HEMK2: variants seen among roughly 807,000 people sequenced by gnomAD.
The protein encoded by HEMK2 is methyltransferase HEMK2.
the HEMK2 span, among the ~76,000 whole-genome samples, chr21:28,641,629 A>G: frequency 2.6e-5 from 4 of 152,240 alleles, no homozygotes; most frequent in Non-Finnish European, 5.9e-5. Flanking sequence ...CTGGACACCC[A>G]GCAAAACATA....
At chr21:28,642,418 C>T in the HEMK2 span, among the ~76,000 whole-genome samples, 6 of 152,168 alleles carry the variant, frequency 3.9e-5, no homozygotes, top group Non-Finnish European at 8.8e-5. Context: ...TGGAAGCATC[C>T]GGTCACTCTT....
At chr21:28,578,722 T>A in the HEMK2 span, among the ~76,000 whole-genome samples, 1 of 152,180 alleles carries the variant, frequency 6.6e-6, no homozygotes, top group South Asian at 2.1e-4. Context: ...AAGGGTTGTT[T>A]GATAGGGGAC....
At chr21:28,694,345 C>T in the HEMK2 span, among the ~76,000 whole-genome samples, 1 of 152,322 alleles carries the variant, frequency 6.6e-6, no homozygotes, top group East Asian at 1.9e-4. Flanking sequence ...CTAACATACA[C>T]ATCATCTTTG....
At chr21:28,699,429 T>C in the HEMK2 span, among the ~76,000 whole-genome samples, 1 of 152,202 alleles carries the variant, frequency 6.6e-6, no homozygotes, top group Non-Finnish European at 1.5e-5. Flanking sequence ...ATTTTGAAGA[T>C]ATTAAGTTGG....
the HEMK2 span, among the ~76,000 whole-genome samples, chr21:28,784,389 T>C: frequency 1.0e-3 from 152 of 150,198 alleles, no homozygotes; most frequent in Non-Finnish European, 1.9e-3. Flanking sequence ...AGCTCAAGGT[T>C]TGTAAGTGCA....
At chr21:28,653,293 C>T in the HEMK2 span, among the ~76,000 whole-genome samples, 1 of 151,864 alleles carries the variant, frequency 6.6e-6, no homozygotes, top group African/African-American at 2.4e-5. Flanking sequence ...TGTCTTCCAC[C>T]ATACTCAGAA....
At chr21:28,830,020 A>T in the HEMK2 span, among the ~76,000 whole-genome samples, 1 of 152,104 alleles carries the variant, frequency 6.6e-6, no homozygotes, top group African/African-American at 2.4e-5. Flanking sequence ...CTACACTAAG[A>T]TCTTAGCCAC....
the HEMK2 span, among the ~76,000 whole-genome samples, chr21:28,598,865 C>T: frequency 1.3e-5 from 2 of 152,120 alleles, no homozygotes; most frequent in African/African-American, 4.8e-5. Context: ...CAGAATCCAG[C>T]CTGAGTAAGC....
the HEMK2 span, among the ~76,000 whole-genome samples, chr21:28,836,901 G>A: frequency 2.2e-3 from 339 of 152,112 alleles, 1 homozygote; most frequent in African/African-American, 7.9e-3. Context: ...TAAAGTAACA[G>A]CAGTTAAAAG....
the HEMK2 span, among the ~76,000 whole-genome samples, chr21:28,722,752 C>T: frequency 5.9e-5 from 9 of 152,046 alleles, no homozygotes; most frequent in Non-Finnish European, 1.0e-4. Context: ...GGCATGGTGG[C>T]GCATGCCTGT....
At chr21:28,667,902 C>A in the HEMK2 span, among the ~76,000 whole-genome samples, 1 of 152,096 alleles carries the variant, frequency 6.6e-6, no homozygotes, top group Non-Finnish European at 1.5e-5. Context: ...GGAAAGTGTT[C>A]AGGATGGCAC....
the HEMK2 span, among the ~76,000 whole-genome samples, chr21:28,863,442 A>T: frequency 1.2e-4 from 10 of 86,128 alleles, no homozygotes; most frequent in East Asian, 2.6e-3. Flanking sequence ...ATATATATAT[A>T]TATATATATA....
At chr21:28,882,354 A>AT in the HEMK2 span, 3 of 800,578 alleles carry the variant, frequency 3.7e-6, no homozygotes, top group Non-Finnish European at 2.0e-6. Flanking sequence ...GAACAGATTT[A>AT]GAAAAAAAAA....
chr21:28,708,525 A>T, the HEMK2 span, among the ~76,000 whole-genome samples: 58 of 152,334 alleles, frequency 3.8e-4, no homozygotes, highest in African/African-American at 1.3e-3. Flanking sequence ...TTAAACAGGT[A>T]CAACAATTAA....
chr21:28,843,413 C>G, the HEMK2 span, among the ~76,000 whole-genome samples: 2 of 152,140 alleles, frequency 1.3e-5, no homozygotes, highest in African/African-American at 4.8e-5. Context: ...CACGAGGTCC[C>G]TCCCTTGACA....
At chr21:28,864,824 TA>T in the HEMK2 span, among the ~76,000 whole-genome samples, 5 of 94,870 alleles carry the variant, frequency 5.3e-5, no homozygotes, top group Admixed American at 2.2e-4. Flanking sequence ...GACAGACAGA[TA>T]GATAGATAGA....
the HEMK2 span, among the ~76,000 whole-genome samples, chr21:28,785,929 T>A: frequency 6.6e-6 from 1 of 152,232 alleles, no homozygotes. Flanking sequence ...TCTTATTTGA[T>A]CTGAGAAAAC....
At chr21:28,647,717 T>C in the HEMK2 span, among the ~76,000 whole-genome samples, 1 of 152,070 alleles carries the variant, frequency 6.6e-6, no homozygotes, top group African/African-American at 2.4e-5. Flanking sequence ...ACCTCTTACA[T>C]GAAGTGAATG....
the HEMK2 span, among the ~76,000 whole-genome samples, chr21:28,794,144 T>G: frequency 1.8e-4 from 28 of 151,946 alleles, no homozygotes; most frequent in Admixed American, 3.3e-4. Context: ...GTACCTAAAG[T>G]TTTTTTTAAT....
Sources: gnomAD v4.1 joint callset for allele counts (sites outside exome capture counted in the v4.1 genomes callset) on GRCh38, gnomAD v4.1.1 for gene constraint, MANE v1.5 for transcripts, NCBI Gene and HGNC (gene_info 2026-07-23, HGNC 2026-07-21) for gene names.